The following ABCA12 variants were observed in gnomAD, a reference collection of about 807,000 sequenced individuals.
ABCA12 encodes ATP binding cassette subfamily A member 12, also known as glucosylceramide transporter ABCA12.
A neutral mutation model predicts 293.5 loss-of-function variants in ABCA12; 156 were observed. The observed-to-expected ratio is 0.53, with a 90% CI of 0.47 to 0.61. The LOEUF (loss-of-function observed/expected upper bound fraction) is 0.61. Ranked by LOEUF, ABCA12 falls within the 20% of genes least tolerant of loss-of-function variation. ABCA12 has a pLI of 0.00. For missense variants in ABCA12, 2,797 were observed against 3,090.2 expected (o/e 0.91, Z 2.25); for synonymous variants, 1,063 against 1,108.0 (o/e 0.96, Z 0.81).
intron 48 of ABCA12, among the ~76,000 whole-genome samples, chr2:214,945,797 A>G (rs1000757077): frequency 6.6e-6 from 1 of 152,196 alleles, no homozygotes; most frequent in Non-Finnish European, 1.5e-5. Flanking sequence ...AACAAAGAAT[A>G]TGTACATAAC....
At chr2:215,007,648 C>G in intron 19 of ABCA12, 79 bp downstream of exon 19, 1 of 1,554,826 alleles carries the variant, frequency 6.4e-7, no homozygotes, top group African/African-American at 1.4e-5. Context: ...TTACCCCCTT[C>G]CCGTTCACAT....
In ABCA12 at chr2:215,049,705, T is replaced by G. The variant is rs774325904; in HGVS notation, c.614A>C (p.Asn205Thr). 1.5e-5 allele frequency: 25 copies of G among 1,613,684 alleles called. No individual in the cohort carries two copies. The East Asian group carries it at 5.1e-4, about 33-fold the overall frequency. ...AGAAAGGCAAAATTTGTTAAAAACATTTCTTCCTAGAAAGGTCCAAGAGAA... is the reference window on the plus strand; with the variant it reads ...AGAAAGGCAAAATTTGTTAAAAACAGTTCTTCCTAGAAAGGTCCAAGAGAA... Reference protein sequence around the residue: ...DAFSWTFLGRNVFNKFCLSNM... With the variant: ...DAFSWTFLGRTVFNKFCLSNM... Residue 205 changes from asparagine to threonine, a missense_variant, in exon 6 of 53, where the codon AAT (asparagine) becomes ACT (threonine). Asn to Thr is a moderately conservative substitution (Grantham distance 65, BLOSUM62 0). Coordinates refer to ENST00000272895, the MANE Select transcript of ABCA12 (RefSeq NM_173076.3).
chr2:214,950,653 C>T (rs1056692414), intron 45 of ABCA12, among the ~76,000 whole-genome samples: 16 of 151,590 alleles, frequency 1.1e-4, no homozygotes, highest in Admixed American at 7.9e-4. Context: ...TACAGACGTG[C>T]GCCCCCATGC....
intron 8 of ABCA12, among the ~76,000 whole-genome samples, chr2:215,034,843 C>A (rs1171645942): frequency 1.3e-5 from 2 of 152,126 alleles, no homozygotes; most frequent in Admixed American, 6.5e-5. Flanking sequence ...CTATTGTGTT[C>A]TTTACTTGAA....
At chr2:214,966,266 C>T (rs528972294) in intron 39 of ABCA12, among the ~76,000 whole-genome samples, 13 of 152,016 alleles carry the variant, frequency 8.6e-5, no homozygotes, top group African/African-American at 1.7e-4. Flanking sequence ...GGAGAGCATC[C>T]GGAAGAATAG....
At chr2:215,033,899 C>T (rs1700934734) in intron 8 of ABCA12, among the ~76,000 whole-genome samples, 1 of 151,866 alleles carries the variant, frequency 6.6e-6, no homozygotes, top group South Asian at 2.1e-4. Context: ...CGAGATCATG[C>T]CACTGCACTC....
At chr2:215,036,803 G>T (rs1701004461) in intron 8 of ABCA12, 150 bp downstream of exon 8, 5 of 719,288 alleles carry the variant, frequency 7.0e-6, no homozygotes, top group South Asian at 1.6e-5. Context: ...TCCACACTTT[G>T]ATTAACTCGA....
intron 23 of ABCA12, among the ~76,000 whole-genome samples, chr2:214,994,984 C>A (rs1281007934): frequency 6.6e-6 from 1 of 152,148 alleles, no homozygotes; most frequent in Non-Finnish European, 1.5e-5. Context: ...AAAATATACT[C>A]TTCTGTATAT....
intron 19 of ABCA12, 24 bp downstream of exon 19, chr2:215,007,703 T>A: frequency 6.2e-7 from 1 of 1,613,722 alleles, no homozygotes; most frequent in Non-Finnish European, 8.5e-7. Flanking sequence ...TCCTACTAAG[T>A]TGAATGACAG....
intron 2 of ABCA12, among the ~76,000 whole-genome samples, chr2:215,098,292 A>G (rs1038850477): frequency 6.6e-6 from 1 of 152,166 alleles, no homozygotes; most frequent in African/African-American, 2.4e-5. Context: ...TGTTCAAAAC[A>G]ATGATTCAAT....
Position 214,982,324 on chromosome 2 carries a change from C to G in ABCA12, c.4442G>C (p.Gly1481Ala). ...HRHKRVGTLSGGMKRKLSISI... is the reference protein window; with the variant it reads ...HRHKRVGTLSAGMKRKLSISI... ...TATAGATAACTTCCTCTTCATGCCTCCTGACAGTGTTCCAACTCTCTTATG... is the reference window on the plus strand; with the variant it reads ...TATAGATAACTTCCTCTTCATGCCTGCTGACAGTGTTCCAACTCTCTTATG... The change falls in exon 30 of 53, where the codon GGA (glycine) becomes GCA (alanine). Residue 1481 changes from glycine to alanine, a missense_variant. Transcript: ENST00000272895. The G allele has an allele frequency of 6.2e-7, 1 of 1,614,124 alleles. No individual in the cohort carries two copies.
At chr2:215,128,971 T>A (rs1006495441) in intron 1 of ABCA12, among the ~76,000 whole-genome samples, 1 of 152,142 alleles carries the variant, frequency 6.6e-6, no homozygotes, top group Non-Finnish European at 1.5e-5. Context: ...TGTTCAGACT[T>A]TTTTGTCCCA....
At chr2:215,080,970 T>A (rs1449098409) in intron 2 of ABCA12, 1 of 152,210 alleles carries the variant, frequency 6.6e-6, no homozygotes, top group African/African-American at 2.4e-5. Flanking sequence ...TGCTGGAAAA[T>A]TCTCCTGTTA....
chr2:215,061,127 T>G (rs1232901659), intron 3 of ABCA12, among the ~76,000 whole-genome samples: 1 of 152,090 alleles, frequency 6.6e-6, no homozygotes, highest in African/African-American at 2.4e-5. Flanking sequence ...GGGTAAGATC[T>G]GTGATGTTGG....
chr2:215,103,983 T>C (rs1168116432), intron 2 of ABCA12, among the ~76,000 whole-genome samples: 1 of 150,788 alleles, frequency 6.6e-6, no homozygotes, highest in Non-Finnish European at 1.5e-5. Context: ...ACAGATTCCA[T>C]TTAAAAAAAA....
At position 214,983,832 on chromosome 2, in the gene ABCA12, T is replaced by C. The variant is rs772883744; in HGVS notation, c.4197A>G (p.Ala1399=). 1.9e-6 allele frequency: 3 copies of C among 1,614,082 alleles called. No individual in the cohort carries two copies. The highest frequency in any genetic ancestry group is 1.1e-5 in the South Asian group (1 of 91,084). ...SMLTGLFGAS[A]GTIFVYGKDI... ...CTTTTCCATATACAAAAATGGTGCC[T>C]GCTGAGGCCCCAAACAGCCCAGTTA... is the stretch of plus-strand genomic sequence containing the variant. Residue 1399 remains alanine, a synonymous_variant, in exon 29 of 53, where the codon GCA becomes GCG. Coordinates refer to ENST00000272895, the MANE Select transcript of ABCA12 (RefSeq NM_173076.3).
At chr2:214,939,992 A>C (rs906512127) in intron 50 of ABCA12, among the ~76,000 whole-genome samples, 3 of 152,196 alleles carry the variant, frequency 2.0e-5, no homozygotes, top group African/African-American at 7.2e-5. Flanking sequence ...CAGAACTTCC[A>C]ATACTATGTT....
chr2:215,045,397 G>A (rs1701181671), intron 7 of ABCA12, among the ~76,000 whole-genome samples: 1 of 152,164 alleles, frequency 6.6e-6, no homozygotes, highest in Non-Finnish European at 1.5e-5. Flanking sequence ...GAGGTGGCTT[G>A]GAACAAAACT....
At chr2:215,103,408 A>C (rs1283336153) in intron 2 of ABCA12, among the ~76,000 whole-genome samples, 1 of 151,272 alleles carries the variant, frequency 6.6e-6, no homozygotes, top group Non-Finnish European at 1.5e-5. Flanking sequence ...AGCTGGGATT[A>C]CAGGTGACCA....
Sources: gnomAD v4.1 joint callset for allele counts (sites outside exome capture counted in the v4.1 genomes callset) on GRCh38, gnomAD v4.1.1 for gene constraint, MANE v1.5 for transcripts, NCBI Gene and HGNC (gene_info 2026-07-23, HGNC 2026-07-21) for gene names.